The following PTN variants were observed in gnomAD, a reference collection of about 807,000 sequenced individuals.
The protein encoded by PTN is heparin affin regulatory protein.
In PTN, 18 loss-of-function variants were observed where a neutral mutation model predicts 24.1. That is an observed-to-expected ratio of 0.75 (90% CI 0.52 to 1.11). The LOEUF (loss-of-function observed/expected upper bound fraction) is 1.11, where lower values mean the gene tolerates loss of function less well. Ranked by LOEUF, PTN falls within the 50% of genes least tolerant of loss-of-function variation. PTN has a pLI of 0.00. For synonymous variants in PTN, 78 were observed against 68.6 expected (o/e 1.14, Z -0.67); for missense variants, 163 against 198.8 (o/e 0.82, Z 1.08).
chr7:137,283,990 A>G (rs1339068124), intron 1 of PTN, among the ~76,000 whole-genome samples: 1 of 35,540 alleles, frequency 2.8e-5, no homozygotes, highest in Non-Finnish European at 4.7e-5. Flanking sequence ...TTTTTTTTTG[A>G]GATAGAGTCT....
chr7:137,317,466 C>G (rs1810090991), intron 1 of PTN, among the ~76,000 whole-genome samples: 1 of 152,130 alleles, frequency 6.6e-6, no homozygotes. Flanking sequence ...TCCTAGAGAT[C>G]CCCCATGTGG....
Position 137,228,049 on chromosome 7 carries a change from C to T in PTN, c.478G>A (p.Gly160Ser), listed in dbSNP as rs1808364097. ...QAESKKKKKE[G>S]KKQEKMLD ...TCCAGCATCTTCTCCTGTTTCTTGC[C>T]TTCCTTTTTCTTCTTCTTAGATTCT... Residue 160 changes from glycine (G) to serine (S), a missense_variant, in exon 5 of 5, where the codon GGC (glycine) becomes AGC (serine). By Grantham distance (56) the Gly-to-Ser change is moderately conservative. Transcript: ENST00000348225. 1 of 1,596,844 alleles carries T rather than the reference C, an allele frequency of 6.3e-7. No individual in the cohort carries two copies. Among genetic ancestry groups the T allele is most frequent in the Non-Finnish European group, 8.6e-7 (1 of 1,166,208 alleles).
intron 1 of PTN, among the ~76,000 whole-genome samples, chr7:137,291,538 G>A (rs994984209): frequency 6.6e-6 from 1 of 151,960 alleles, no homozygotes; most frequent in Admixed American, 6.6e-5. Context: ...TCACAGGTTG[G>A]GCATCTACAG....
At chr7:137,308,204 GA>G (rs1809920909) in intron 1 of PTN, among the ~76,000 whole-genome samples, 1 of 152,096 alleles carries the variant, frequency 6.6e-6, no homozygotes. Flanking sequence ...TTTATGCCCT[GA>G]AAAGTCATGA....
At chr7:137,306,305 C>T (rs1261743184) in intron 1 of PTN, among the ~76,000 whole-genome samples, 1 of 152,032 alleles carries the variant, frequency 6.6e-6, no homozygotes, top group Non-Finnish European at 1.5e-5. Flanking sequence ...GACAGGGTGA[C>T]ATCACATCGG....
chr7:137,251,953 G>T lies in PTN; in HGVS notation c.290-562C>A, dbSNP rs1172946086. Among the ~76,000 whole-genome samples, 9 of 151,948 alleles carry T rather than the reference G, an allele frequency of 5.9e-5. No homozygotes were observed. The East Asian group carries it at 1.7e-3, about 29-fold the overall frequency. On this transcript the variant is annotated intron_variant, in intron 3 of 4. Coordinates refer to ENST00000348225, the MANE Select transcript of PTN (RefSeq NM_002825.7). ...TCATCAGCTGAAGGACATCCGAGTT[G>T]TTACCAGCCTTGGGTTACTACAAAT...
intron 1 of PTN, among the ~76,000 whole-genome samples, chr7:137,316,072 C>A (rs1810067165): frequency 6.6e-6 from 1 of 152,204 alleles, no homozygotes; most frequent in Non-Finnish European, 1.5e-5. Flanking sequence ...GCTGCATCTA[C>A]CCTGAGGCAC....
At chr7:137,283,053 G>A (rs377131936) in intron 1 of PTN, among the ~76,000 whole-genome samples, 2 of 151,978 alleles carry the variant, frequency 1.3e-5, no homozygotes, top group Non-Finnish European at 2.9e-5. Flanking sequence ...GAGCCTGAAG[G>A]CTACCCCCTC....
At position 137,254,978 on chromosome 7, in the gene PTN, G is replaced by A. The variant is rs772554423; in HGVS notation, c.-1-4C>T. The A allele has an allele frequency of 2.0e-6, 3 of 1,515,100 alleles. No homozygotes were observed. Among genetic ancestry groups the A allele is most frequent in the African/African-American group, 2.7e-5 (2 of 73,732 alleles). 93.9% of individuals were successfully genotyped at this position (1,515,100 alleles called of 1,614,324 possible). ...CTGGTACTGTTGAGCCTGCATTCTA[G>A]GAATAAACAGAGAAAGAGAAGAAGG... On this transcript the variant is annotated splice_region_variant and splice_polypyrimidine_tract_variant and intron_variant, in intron 1 of 4. Transcript: ENST00000348225.
At chr7:137,230,192 ATT>A (rs1808404051) in intron 4 of PTN, among the ~76,000 whole-genome samples, 1 of 151,886 alleles carries the variant, frequency 6.6e-6, no homozygotes, top group South Asian at 2.1e-4. Flanking sequence ...ATTGGACACT[ATT>A]TGATCTGTTA....
chr7:137,254,396 T>C (rs1398481990), intron 2 of PTN, among the ~76,000 whole-genome samples: 3 of 152,118 alleles, frequency 2.0e-5, no homozygotes, highest in African/African-American at 7.2e-5. Flanking sequence ...CATACAAATA[T>C]GGTGCATCAC....
At chr7:137,313,092 T>C (rs1026381712) in intron 1 of PTN, among the ~76,000 whole-genome samples, 16 of 151,424 alleles carry the variant, frequency 1.1e-4, no homozygotes, top group Non-Finnish European at 2.1e-4. Flanking sequence ...CTCTCATTCA[T>C]CTTGCTGAAA....
At chr7:137,332,938 A>ATG (rs1218899889) in intron 1 of PTN, among the ~76,000 whole-genome samples, 4 of 152,190 alleles carry the variant, frequency 2.6e-5, no homozygotes, top group Non-Finnish European at 5.9e-5. Flanking sequence ...ACTGTTCTAA[A>ATG]GTTTTACATG....
intron 1 of PTN, among the ~76,000 whole-genome samples, chr7:137,317,744 ACT>A (rs2128880715): frequency 6.6e-6 from 1 of 152,130 alleles, no homozygotes; most frequent in East Asian, 1.9e-4. Context: ...ATTGTAGAGA[ACT>A]CTGGTTTTCT....
At chr7:137,288,757 A>C (rs950551486) in intron 1 of PTN, among the ~76,000 whole-genome samples, 8 of 152,192 alleles carry the variant, frequency 5.3e-5, no homozygotes, top group Non-Finnish European at 7.4e-5. Context: ...ATTATTCCTC[A>C]AGAAAACTAA....
At chr7:137,275,964 A>G (rs1342871061) in intron 1 of PTN, among the ~76,000 whole-genome samples, 2 of 152,258 alleles carry the variant, frequency 1.3e-5, no homozygotes, top group East Asian at 1.9e-4. Flanking sequence ...AATTAAAAAC[A>G]TAATTAACAA....
intron 1 of PTN, chr7:137,325,935 C>A (rs778945788): frequency 1.2e-4 from 18 of 152,180 alleles, no homozygotes; most frequent in Non-Finnish European, 1.9e-4. Context: ...ATAGAGTTTT[C>A]TTGAGAGCTG....
chr7:137,310,454 G>A (rs1235707213), intron 1 of PTN, among the ~76,000 whole-genome samples: 1 of 148,450 alleles, frequency 6.7e-6, no homozygotes, highest in Non-Finnish European at 1.5e-5. Flanking sequence ...CTGGAGTGCA[G>A]TGGTGTGATC....
At chr7:137,309,608 T>C (rs1486989090) in intron 1 of PTN, among the ~76,000 whole-genome samples, 1 of 152,188 alleles carries the variant, frequency 6.6e-6, no homozygotes, top group African/African-American at 2.4e-5. Context: ...TTATTAATAT[T>C]CTAAATACTT....
Sources: allele counts gnomAD v4.1 joint callset (sites outside exome capture counted in the v4.1 genomes callset), GRCh38; gene constraint gnomAD v4.1.1; transcripts MANE v1.5; gene names NCBI Gene and HGNC (gene_info 2026-07-23, HGNC 2026-07-21).